ARSB: variants seen among roughly 807,000 people sequenced by gnomAD.
ARSB encodes N-acetylgalactosamine-4-sulfatase.
A neutral mutation model predicts 50.9 loss-of-function variants in ARSB; 41 were observed. The ratio of observed to expected loss-of-function variants is 0.81; its 90% CI spans 0.63 to 1.04. The LOEUF (loss-of-function observed/expected upper bound fraction) is 1.04, where lower values mean the gene tolerates loss of function less well. ARSB is among the 50% of genes least tolerant of loss of function. The probability of loss-of-function intolerance (pLI) is 0.00; values close to 1 mark genes in which losing one functional copy is unlikely to be tolerated. For synonymous variants in ARSB, 269 were observed against 284.8 expected, an observed-to-expected ratio of 0.94 and a Z score of 0.56; for missense variants, 672 against 693.3, an observed-to-expected ratio of 0.97 and a Z score of 0.35.
chr5:78,841,153 C>CTAATAA (rs1470455538), intron 5 of ARSB, among the ~76,000 whole-genome samples: 87 of 105,356 alleles, frequency 8.3e-4, no homozygotes, highest in African/African-American at 3.0e-3. Flanking sequence ...ACTACTACTA[C>CTAATAA]TACTACTACT....
At chr5:78,805,811 C>G (rs746443068) in intron 6 of ARSB, among the ~76,000 whole-genome samples, 1 of 152,142 alleles carries the variant, frequency 6.6e-6, no homozygotes, top group African/African-American at 2.4e-5. Context: ...CACTTAGACA[C>G]GATGCCTGTG....
intron 4 of ARSB, among the ~76,000 whole-genome samples, chr5:78,940,129 G>A (rs1228338992): frequency 1.3e-5 from 2 of 152,108 alleles, no homozygotes; most frequent in Non-Finnish European, 2.9e-5. Context: ...TGATGGGGTT[G>A]TTTGTTTTTT....
chr5:78,977,443 C>T (rs1752717954), intron 1 of ARSB, among the ~76,000 whole-genome samples: 1 of 152,150 alleles, frequency 6.6e-6, no homozygotes, highest in Non-Finnish European at 1.5e-5. Flanking sequence ...CGTGAGCCAC[C>T]ACGCCTGGCC....
At chr5:78,877,648 CA>C (rs1465900371) in intron 5 of ARSB, among the ~76,000 whole-genome samples, 4 of 152,172 alleles carry the variant, frequency 2.6e-5, no homozygotes, top group African/African-American at 9.7e-5. Flanking sequence ...CTTGGCCTCC[CA>C]AAGTGCTGGG....
At chr5:78,845,063 A>T (rs1487444195) in intron 5 of ARSB, among the ~76,000 whole-genome samples, 1 of 152,044 alleles carries the variant, frequency 6.6e-6, no homozygotes, top group Non-Finnish European at 1.5e-5. Context: ...CCCTCAGGAA[A>T]AACACTACTC....
chr5:78,908,285 C>T (rs1439723844), intron 4 of ARSB, among the ~76,000 whole-genome samples: 6 of 152,186 alleles, frequency 3.9e-5, no homozygotes, highest in African/African-American at 7.2e-5. Context: ...CCTCCCCCGA[C>T]TTCCACTCTC....
intron 5 of ARSB, among the ~76,000 whole-genome samples, chr5:78,841,508 G>A (rs1488889144): frequency 6.6e-6 from 1 of 151,998 alleles, no homozygotes; most frequent in African/African-American, 2.4e-5. Context: ...AATTTTTAGG[G>A]CAACTATTAA....
rs1748808501 is a variant in ARSB, at chr5:78,777,720, G to C, written c.*2677C>G. 6.6e-6 allele frequency: 1 copy of C among 151,852 alleles called. No individual in the cohort carries two copies. The highest frequency in any genetic ancestry group is 6.6e-5 in the Admixed American group (1 of 15,224). 9.4% of individuals were successfully genotyped at this position (151,852 alleles called of 1,614,324 possible). On this transcript the variant is annotated 3_prime_UTR_variant, in exon 8 of 8. Transcript: ENST00000264914. ...ATACAAAACATAGCCAGGCGTGGTGGTGTATGCCTGTAATCCAGCTACTTG... is the reference window on the plus strand; with the variant it reads ...ATACAAAACATAGCCAGGCGTGGTGCTGTATGCCTGTAATCCAGCTACTTG...
At chr5:78,964,664 A>G in intron 2 of ARSB, 58 bp from the exon 3 acceptor site, 1 of 1,513,236 alleles carries the variant, frequency 6.6e-7, no homozygotes, top group East Asian at 2.3e-5. Context: ...AAACAAACTA[A>G]TGTTTCAGCA....
chr5:78,902,890 T>C (rs1748869511), intron 4 of ARSB, among the ~76,000 whole-genome samples: 2 of 152,182 alleles, frequency 1.3e-5, no homozygotes, highest in Non-Finnish European at 1.5e-5. Context: ...CAGTGAACTG[T>C]ATACTTTAAA....
intron 5 of ARSB, among the ~76,000 whole-genome samples, chr5:78,854,030 G>A (rs574057778): frequency 3.9e-5 from 6 of 152,350 alleles, no homozygotes; most frequent in South Asian, 2.1e-4. Flanking sequence ...GCAATGCCTC[G>A]CCCTGCTTAG....
At chr5:78,882,269 T>C (rs1394724337) in intron 5 of ARSB, among the ~76,000 whole-genome samples, 2 of 152,304 alleles carry the variant, frequency 1.3e-5, no homozygotes, top group East Asian at 3.9e-4. Flanking sequence ...TTCTATGACC[T>C]GCCCTGGGGA....
chr5:78,954,966 T>C (rs752302704), intron 4 of ARSB, among the ~76,000 whole-genome samples: 1 of 152,138 alleles, frequency 6.6e-6, no homozygotes, highest in Non-Finnish European at 1.5e-5. Context: ...ATGTCTGGGT[T>C]GTAGAGAGAG....
chr5:78,796,398 G>C (rs979043866), intron 6 of ARSB, among the ~76,000 whole-genome samples: 1 of 152,196 alleles, frequency 6.6e-6, no homozygotes, highest in Non-Finnish European at 1.5e-5. Context: ...AAAGTGCTAG[G>C]AGATTCCAAA....
At chr5:78,978,605 C>T (rs760619238) in intron 1 of ARSB, among the ~76,000 whole-genome samples, 13 of 151,982 alleles carry the variant, frequency 8.6e-5, no homozygotes, top group South Asian at 2.1e-4. Context: ...AATTCTGAAA[C>T]CTTTGTAATA....
intron 6 of ARSB, among the ~76,000 whole-genome samples, chr5:78,805,708 A>C (rs1487499318): frequency 6.6e-6 from 1 of 152,228 alleles, no homozygotes; most frequent in East Asian, 1.9e-4. Context: ...AAGTGGCTGG[A>C]TGAGCAGGAA....
intron 2 of ARSB, among the ~76,000 whole-genome samples, chr5:78,965,687 G>A (rs1752173956): frequency 6.6e-6 from 1 of 152,118 alleles, no homozygotes; most frequent in Non-Finnish European, 1.5e-5. Context: ...GCTATCTCCT[G>A]ACATATACTG....
intron 4 of ARSB, among the ~76,000 whole-genome samples, chr5:78,927,297 G>A (rs1445141176): frequency 1.3e-5 from 2 of 152,046 alleles, no homozygotes; most frequent in African/African-American, 4.8e-5. Flanking sequence ...TTGAAATTCA[G>A]TATTTTACCC....
intron 6 of ARSB, among the ~76,000 whole-genome samples, chr5:78,816,319 AG>A (rs1365169234): frequency 2.0e-5 from 3 of 152,182 alleles, no homozygotes; most frequent in Non-Finnish European, 4.4e-5. Flanking sequence ...TTACTGATTA[AG>A]GGGGCTTGAT....
Sources: allele counts gnomAD v4.1 joint callset (sites outside exome capture counted in the v4.1 genomes callset), GRCh38; gene constraint gnomAD v4.1.1; transcripts MANE v1.5; gene names NCBI Gene and HGNC (gene_info 2026-07-23, HGNC 2026-07-21).